The following POM121C variants were observed in gnomAD, a reference collection of about 807,000 sequenced individuals.
The protein encoded by POM121C is nuclear envelope pore membrane protein POM 121C.
POM121C carries 20 observed loss-of-function variants against 66.4 expected under a neutral mutation model. The observed-to-expected ratio is 0.30, with a 90% CI of 0.21 to 0.44. POM121C has a LOEUF of 0.44. Among genes scored for constraint, POM121C ranks in the 20% least tolerant of loss-of-function variants. The probability of loss-of-function intolerance (pLI) is 1.00; values close to 1 mark genes in which losing one functional copy is unlikely to be tolerated. For missense variants in POM121C, 580 were observed against 1,225.7 expected (o/e 0.47, Z 7.87); for synonymous variants, 286 against 528.0 (o/e 0.54, Z 6.28).
chr7:75,459,600 A>C (rs1340231502), intron 3 of POM121C, among the ~76,000 whole-genome samples: 1 of 7,528 alleles, frequency 1.3e-4, no homozygotes, highest in East Asian at 0.01. Context: ...ACTCTGTCTC[A>C]AAAAAAAAAA....
intron 1 of POM121C, among the ~76,000 whole-genome samples, chr7:75,478,420 T>C (rs1377794730): frequency 6.7e-6 from 1 of 150,284 alleles, no homozygotes; most frequent in African/African-American, 2.5e-5. Context: ...GGAGAAAGAG[T>C]TGTGGGATGG....
intron 1 of POM121C, among the ~76,000 whole-genome samples, chr7:75,480,928 A>G (rs1222283780): frequency 6.6e-6 from 1 of 151,670 alleles, no homozygotes; most frequent in Non-Finnish European, 1.5e-5. Flanking sequence ...TTACTGTGCT[A>G]TGGATATTTA....
At chr7:75,467,168 A>G (rs1791683495) in intron 3 of POM121C, among the ~76,000 whole-genome samples, 1 of 152,254 alleles carries the variant, frequency 6.6e-6, no homozygotes, top group South Asian at 2.1e-4. Context: ...GCAGTGTCCC[A>G]TATTACCACC....
intron 3 of POM121C, among the ~76,000 whole-genome samples, chr7:75,456,747 C>T (rs1258574433): frequency 6.6e-6 from 1 of 152,276 alleles, no homozygotes; most frequent in African/African-American, 2.4e-5. Flanking sequence ...TAAAAGTTAT[C>T]AAGACAACAA....
chr7:75,465,285 G>T (rs1791587394), intron 3 of POM121C, among the ~76,000 whole-genome samples: 1 of 151,128 alleles, frequency 6.6e-6, no homozygotes, highest in Non-Finnish European at 1.5e-5. Context: ...GTGAGCCACC[G>T]TGCCCAGCCT....
chr7:75,486,255 C>A lies in POM121C; in HGVS notation c.-849G>T. ...TCCACTAGAAGCCAAAGCCTGGGAA[C>A]GAGAGCAAGCGATGACCTGAAGAGG... On this transcript the variant is annotated 5_prime_UTR_variant, in exon 1 of 15. Coordinates refer to ENST00000615331, the MANE Select transcript of POM121C (RefSeq NM_001099415.3). 2 of 274,608 alleles carry A rather than the reference C, an allele frequency of 7.3e-6. No individual in the cohort carries two copies. The highest frequency in any genetic ancestry group is 3.0e-5 in the South Asian group (1 of 33,232). The allele number at this position is 274,608 out of a possible 1,614,324, so 17.0% of individuals were successfully genotyped here.
At chr7:75,481,822 A>C (rs377362641) in intron 1 of POM121C, among the ~76,000 whole-genome samples, 1 of 152,042 alleles carries the variant, frequency 6.6e-6, no homozygotes, top group Non-Finnish European at 1.5e-5. Flanking sequence ...TCTCCAAAAA[A>C]AGAAAAGAAA....
In POM121C at chr7:75,424,220, C is replaced by G; in HGVS notation, c.877G>C (p.Ala293Pro). Reference sequence around the variant, plus strand: ...GGGGTCTCAGTGACAGAGTTCGAGGCAGCATCTAAGAAAGAAAGAAAGGTG... The same window carrying G: ...GGGGTCTCAGTGACAGAGTTCGAGGGAGCATCTAAGAAAGAAAGAAAGGTG... ...NQALEDKSDA[A>P]SNSVTETPPT... Residue 293 changes from alanine to proline, a missense_variant, in exon 12 of 15, where the codon GCC (alanine) becomes CCC (proline). Coordinates refer to ENST00000615331, the MANE Select transcript of POM121C (RefSeq NM_001099415.3). 1.2e-6 allele frequency: 2 copies of G among 1,611,940 alleles called. No homozygotes were observed. Among genetic ancestry groups the G allele is most frequent in the Non-Finnish European group, 8.5e-7 (1 of 1,179,846 alleles).
chr7:75,454,227 C>T (rs1301643638), intron 3 of POM121C, among the ~76,000 whole-genome samples: 1 of 152,068 alleles, frequency 6.6e-6, no homozygotes, highest in Non-Finnish European at 1.5e-5. Flanking sequence ...CTGCCACAGG[C>T]TGTCATGGAA....
In POM121C at chr7:75,424,524, A is replaced by G. The variant is rs1466834483; in HGVS notation, c.871+2T>C. On this transcript the variant is annotated splice_donor_variant, in intron 11 of 14. Coordinates refer to ENST00000615331, the MANE Select transcript of POM121C (RefSeq NM_001099415.3). LOFTEE classifies it high-confidence loss of function. ...GAGAGTGCAACGATCTGTGCTCCTT[A>G]CCACTCTTGTCCTCCAAGGCCTGGT... 6.2e-7 allele frequency: 1 copy of G among 1,613,638 alleles called. No homozygotes were observed. Among genetic ancestry groups the G allele is most frequent in the Non-Finnish European group, 8.5e-7 (1 of 1,179,524 alleles).
At chr7:75,427,147 C>CA (rs1789975275) in intron 7 of POM121C, among the ~76,000 whole-genome samples, 1 of 152,208 alleles carries the variant, frequency 6.6e-6, no homozygotes, top group Admixed American at 6.5e-5. Context: ...CTGTCATGGC[C>CA]AGGCGTGGTG....
chr7:75,430,760 T>C (rs1790138121), intron 7 of POM121C, among the ~76,000 whole-genome samples: 1 of 151,956 alleles, frequency 6.6e-6, no homozygotes, highest in South Asian at 2.1e-4. Flanking sequence ...TTCAAATCTC[T>C]GAGAAAAAGA....
chr7:75,421,601 C>T lies in POM121C; in HGVS notation c.2651G>A (p.Gly884Asp), dbSNP rs782477386. 3.1e-6 allele frequency: 5 copies of T among 1,613,330 alleles called. No homozygotes were observed. Among genetic ancestry groups the T allele is most frequent in the Non-Finnish European group, 1.7e-6 (2 of 1,179,792 alleles). The change falls in exon 13 of 15, where the codon GGC becomes GAC. Residue 884 changes from glycine to aspartate, a missense_variant. Transcript: ENST00000615331. ...GGTGCCCAGGGCGTTCTGACCTAAG[C>T]CCCCTGTGAAGGGGGTGGAGGTGGC... ...STATSTPFTG[G>D]LGQNALGTTG...
At chr7:75,441,974 C>G (rs1446330752) in intron 3 of POM121C, among the ~76,000 whole-genome samples, 3 of 11,460 alleles carry the variant, frequency 2.6e-4, no homozygotes, top group Non-Finnish European at 8.0e-4. Flanking sequence ...TCACACCAAG[C>G]AAGAGTCAGA....
chr7:75,448,920 T>C (rs879983554), intron 3 of POM121C, among the ~76,000 whole-genome samples: 2,080 of 124,044 alleles, frequency 0.017, no homozygotes, highest in Middle Eastern at 0.052. Flanking sequence ...TAGAAAACCT[T>C]TGTGGCAATG....
At position 75,424,499 on chromosome 7, in the gene POM121C, G is replaced by C. The variant is rs782666548; in HGVS notation, c.871+27C>G. On this transcript the variant is annotated intron_variant, in intron 11 of 14. Transcript: ENST00000615331. ...AGAAAACAGACACCTGAAACCTCTCGAGAGTGCAACGATCTGTGCTCCTTA... is the reference window on the plus strand; with the variant it reads ...AGAAAACAGACACCTGAAACCTCTCCAGAGTGCAACGATCTGTGCTCCTTA... The C allele has an allele frequency of 5.7e-5, 92 of 1,609,988 alleles. No homozygotes were observed. The Middle Eastern group carries it at 8.3e-4, about 14-fold the overall frequency.
Position 75,422,101 on chromosome 7 carries a change from G to C in POM121C, c.2151C>G (p.Ala717=), listed in dbSNP as rs587736119. Residue 717 remains alanine (A), a synonymous_variant, in exon 13 of 15, where the codon GCC becomes GCG. Transcript: ENST00000615331. ...FGAAEGQPPG[A]AKPALTPSFG... ...AGCTGGGGGTAAGGGCTGGCTTGGC[G>C]GCCCCCGGTGGCTGCCCCTCAGCGG... The C allele has an allele frequency of 2.5e-6, 4 of 1,603,378 alleles. No individual in the cohort carries two copies. The highest frequency in any genetic ancestry group is 3.4e-6 in the Non-Finnish European group (4 of 1,173,094).
Position 75,421,702 on chromosome 7 carries a change from C to T in POM121C, c.2550G>A (p.Gly850=). The T allele has an allele frequency of 5.0e-6, 8 of 1,608,716 alleles. No individual in the cohort carries two copies. The highest frequency in any genetic ancestry group is 6.8e-6 in the Non-Finnish European group (8 of 1,178,330). The change falls in exon 13 of 15, where the codon GGG becomes GGA. Residue 850 remains glycine (G), a synonymous_variant. Coordinates refer to ENST00000615331, the MANE Select transcript of POM121C (RefSeq NM_001099415.3). ...SAAPAGSGSF[G]INVATPGSSA... is the part of the protein sequence containing the mutation. ...TGGAGCCTGGGGTGGCCACGTTGAT[C>T]CCAAAGCTCCCACTGCCAGCGGGGG...
chr7:75,448,020 T>A (rs1790884943), intron 3 of POM121C, among the ~76,000 whole-genome samples: 1 of 135,638 alleles, frequency 7.4e-6, no homozygotes, highest in African/African-American at 2.7e-5. Flanking sequence ...CTAGACTCCG[T>A]CTCAAAAAAA....
Sources: allele counts gnomAD v4.1 joint callset (sites outside exome capture counted in the v4.1 genomes callset), GRCh38; gene constraint gnomAD v4.1.1; transcripts MANE v1.5; gene names NCBI Gene and HGNC (gene_info 2026-07-23, HGNC 2026-07-21).